PRELID2: variants seen among roughly 807,000 people sequenced by gnomAD.
PRELID2 encodes the protein PRELI domain-containing protein 2.
A neutral mutation model predicts 28.4 loss-of-function variants in PRELID2; 25 were observed. The observed-to-expected ratio is 0.88, with a 90% CI of 0.64 to 1.23. The LOEUF (loss-of-function observed/expected upper bound fraction) is 1.23. Ranked by LOEUF, PRELID2 falls within the 50% of genes most tolerant of loss-of-function variation. The pLI is 0.00. For missense variants in PRELID2, 201 were observed against 214.4 expected (o/e 0.94, Z 0.39); for synonymous variants, 76 against 71.6 (o/e 1.06, Z -0.31).
At chr5:145,418,464 A>G in the PRELID2 span, among the ~76,000 whole-genome samples, 2 of 152,224 alleles carry the variant, frequency 1.3e-5, no homozygotes, top group African/African-American at 4.8e-5. Context: ...AACTGGAGGC[A>G]TCATGTTAAC....
At chr5:145,422,511 CT>C in the PRELID2 span, among the ~76,000 whole-genome samples, 9 of 151,978 alleles carry the variant, frequency 5.9e-5, no homozygotes, top group African/African-American at 2.2e-4. Context: ...CTCTTTTGAT[CT>C]TTGTTGGTTT....
In PRELID2 at chr5:145,824,425, CGTGTGT is replaced by C. The variant is rs369429281; in HGVS notation, c.76-1297_76-1292del. Among the ~76,000 whole-genome samples the C allele has an allele frequency of 4.7e-4, 45 of 96,254 alleles. No individual in the cohort carries two copies. In the South Asian group the frequency reaches 6.9e-3, roughly 15 times the overall value. The allele number at this position is 96,254 out of a possible 152,430, so 63.1% of individuals were successfully genotyped here. ...ACTGTGGGTCTCCACCCACAGCAGG[CGTGTGT>C]GTGTGTGTGTGTGTGTGTGTGTGTG... On this transcript the variant is annotated intron_variant, in intron 1 of 6. Transcript: ENST00000683046.
chr5:145,369,801 A>G, the PRELID2 span, among the ~76,000 whole-genome samples: 1 of 152,098 alleles, frequency 6.6e-6, no homozygotes, highest in South Asian at 2.1e-4. Flanking sequence ...TTGACTTTTT[A>G]ATAATTGCCA....
At chr5:145,280,949 C>T in the PRELID2 span, among the ~76,000 whole-genome samples, 5 of 152,034 alleles carry the variant, frequency 3.3e-5, no homozygotes, top group South Asian at 4.2e-4. Flanking sequence ...ATTTTTTTTA[C>T]GTAATGGAAT....
chr5:145,553,814 G>T (rs1040742984), intron 1 of PRELID2, among the ~76,000 whole-genome samples: 1 of 152,170 alleles, frequency 6.6e-6, no homozygotes, highest in Non-Finnish European at 1.5e-5. Flanking sequence ...TCTTGAAATT[G>T]GATGCGGAGA....
At chr5:145,352,251 T>A in the PRELID2 span, among the ~76,000 whole-genome samples, 3 of 152,202 alleles carry the variant, frequency 2.0e-5, no homozygotes, top group African/African-American at 7.2e-5. Flanking sequence ...TGCAGGAAAC[T>A]GTGGCCTGGA....
chr5:145,253,444 C>A, the PRELID2 span, among the ~76,000 whole-genome samples: 1 of 152,012 alleles, frequency 6.6e-6, no homozygotes, highest in East Asian at 1.9e-4. Flanking sequence ...AGAGGCCATA[C>A]CCATAGTAAT....
chr5:145,372,738 G>A, the PRELID2 span, among the ~76,000 whole-genome samples: 54,897 of 149,898 alleles, frequency 0.37, 10,607 homozygotes, highest in East Asian at 0.74. Flanking sequence ...GCCTAGGTGG[G>A]TCTTTGCATG....
chr5:145,353,670 A>G, the PRELID2 span, among the ~76,000 whole-genome samples: 3 of 152,046 alleles, frequency 2.0e-5, no homozygotes, highest in Non-Finnish European at 2.9e-5. Flanking sequence ...TTATAAAACC[A>G]TCAGATCTCA....
At chr5:145,267,567 CACTTAGGTTGCT>C in the PRELID2 span, among the ~76,000 whole-genome samples, 1 of 152,112 alleles carries the variant, frequency 6.6e-6, no homozygotes, top group African/African-American at 2.4e-5. Context: ...TCTGTGTAGA[CACTTAGGTTGCT>C]TCCAAATCTT....
At position 145,680,670 on chromosome 5, in the gene PRELID2, T is replaced by C. The variant is rs61426654; in HGVS notation, n.70+84261A>G. ...AGAGAATTGCCAAGAGGGTAATTAA[T>C]TGCCTTGGCTTCTGATGTTTTTGGT... On this transcript the variant is annotated intron_variant and non_coding_transcript_variant, in intron 1 of 2. Transcript: ENST00000510259. Among the ~76,000 whole-genome samples, 741 of 152,324 alleles carry C rather than the reference T, an allele frequency of 4.9e-3. 26 individuals carry two copies. The East Asian group carries it at 0.094, about 19-fold the overall frequency.
chr5:145,339,300 G>T, the PRELID2 span, among the ~76,000 whole-genome samples: 22 of 152,208 alleles, frequency 1.4e-4, no homozygotes, highest in Non-Finnish European at 2.9e-5. Context: ...AGAGAAGTGA[G>T]GCAGCTTGCT....
the PRELID2 span, among the ~76,000 whole-genome samples, chr5:145,356,668 C>T: frequency 1.2e-4 from 18 of 152,232 alleles, no homozygotes; most frequent in African/African-American, 4.3e-4. Context: ...TATCACTGCA[C>T]ATGAGATGCA....
the PRELID2 span, among the ~76,000 whole-genome samples, chr5:145,351,360 T>G: frequency 6.6e-6 from 1 of 152,138 alleles, no homozygotes; most frequent in African/African-American, 2.4e-5. Context: ...AAACACATCC[T>G]TCTTCACATG....
At chr5:145,354,215 A>G in the PRELID2 span, among the ~76,000 whole-genome samples, 1 of 151,398 alleles carries the variant, frequency 6.6e-6, no homozygotes, top group Admixed American at 6.6e-5. Flanking sequence ...TTCCTTGAGA[A>G]GGCACAGCCA....
At chr5:145,465,251 G>A in the PRELID2 span, among the ~76,000 whole-genome samples, 1 of 152,022 alleles carries the variant, frequency 6.6e-6, no homozygotes, top group East Asian at 1.9e-4. Context: ...CAGATACTCA[G>A]GCCCCACCCA....
At chr5:145,497,959 C>T (rs532030043) in intron 1 of PRELID2, among the ~76,000 whole-genome samples, 3 of 152,316 alleles carry the variant, frequency 2.0e-5, no homozygotes, top group Admixed American at 6.5e-5. Flanking sequence ...ACCCTGTGCT[C>T]TTGTTTGTCA....
intron 2 of PRELID2, among the ~76,000 whole-genome samples, chr5:145,822,433 A>T (rs1037384498): frequency 2.0e-5 from 3 of 152,222 alleles, no homozygotes; most frequent in African/African-American, 7.2e-5. Flanking sequence ...CGTAGATGAC[A>T]TGTAAACAAA....
chr5:145,447,671 T>A, the PRELID2 span, among the ~76,000 whole-genome samples: 1 of 114,540 alleles, frequency 8.7e-6, no homozygotes, highest in Non-Finnish European at 1.8e-5. Flanking sequence ...CCTTCCTGTG[T>A]CCATGTGATC....
Sources: allele counts gnomAD v4.1 joint callset (sites outside exome capture counted in the v4.1 genomes callset), GRCh38; gene constraint gnomAD v4.1.1; transcripts MANE v1.5; gene names NCBI Gene and HGNC (gene_info 2026-07-23, HGNC 2026-07-21).